PATL2: variants seen among roughly 807,000 people sequenced by gnomAD.
PATL2 encodes PAT1 homolog 2, also known as protein PAT1 homolog 2.
A neutral mutation model predicts 77.0 loss-of-function variants in PATL2; 73 were observed. That is an observed-to-expected ratio of 0.95 (90% CI 0.78 to 1.15). PATL2 has a LOEUF of 1.15. Among genes scored for constraint, PATL2 ranks in the 50% most tolerant of loss-of-function variants. The probability of loss-of-function intolerance (pLI) is 0.00; values close to 1 mark genes in which losing one functional copy is unlikely to be tolerated. For synonymous variants in PATL2, 265 were observed against 257.1 expected, an observed-to-expected ratio of 1.03 and a Z score of -0.29; for missense variants, 618 against 655.4, an observed-to-expected ratio of 0.94 and a Z score of 0.62.
chr15:44,667,328 A>G, intron 15 of PATL2, 125 bp from the exon 16 acceptor site: 1 of 704,854 alleles, frequency 1.4e-6, no homozygotes, highest in East Asian at 2.7e-5. Context: ...CAAAATATCC[A>G]CAAGTGCTGT....
intron 3 of PATL2, among the ~76,000 whole-genome samples, chr15:44,696,674 AT>A (rs371300632): frequency 3.2e-4 from 49 of 151,282 alleles, no homozygotes; most frequent in Admixed American, 7.2e-4. Flanking sequence ...ATCCTGGGAG[AT>A]TTTTTTTCCC....
chr15:44,676,669 C>T (rs569907395), intron 3 of PATL2, 104 bp from the exon 4 acceptor site: 1 of 1,275,796 alleles, frequency 7.8e-7, no homozygotes, highest in Admixed American at 2.3e-5. Context: ...TTAGAGAATT[C>T]TTGGCCATGG....
intron 3 of PATL2, among the ~76,000 whole-genome samples, chr15:44,686,959 G>A (rs2086272348): frequency 1.3e-5 from 2 of 152,144 alleles, no homozygotes; most frequent in South Asian, 4.1e-4. Context: ...ACTCACAGCT[G>A]AATTCTACCA....
At chr15:44,666,353 T>A (rs1182768096) in intron 17 of PATL2, 39 bp downstream of exon 17, 7 of 1,549,948 alleles carry the variant, frequency 4.5e-6, no homozygotes, top group African/African-American at 1.4e-5. Flanking sequence ...AGATTGGGCT[T>A]GAACAAGGGG....
At position 44,667,190 on chromosome 15, in the gene PATL2, A is replaced by G; in HGVS notation, c.1379T>C (p.Leu460Ser). ...CCCATGGCTCAGCAGGGCATAGAGC[A>G]AAGATATTCCAAACTGCAAGGGACA... is the stretch of plus-strand genomic sequence containing the variant. ...VVLQNQFGIS[L>S]LYALLSHGEQ... Residue 460 changes from leucine to serine, a missense_variant, in exon 16 of 18, where the codon TTG becomes TCG. Transcript: ENST00000682850. 1.9e-6 allele frequency: 3 copies of G among 1,551,626 alleles called. No individual in the cohort carries two copies. Among genetic ancestry groups the G allele is most frequent in the Non-Finnish European group, 2.6e-6 (3 of 1,146,912 alleles).
chr15:44,674,749 T>C (rs1419405078), intron 5 of PATL2: 1 of 151,988 alleles, frequency 6.6e-6, no homozygotes, highest in Admixed American at 6.6e-5. Flanking sequence ...TGAAAATTTT[T>C]TTTCTTTTTT....
intron 17 of PATL2, 81 bp from the exon 18 acceptor site, chr15:44,666,052 TCTAG>T: frequency 7.8e-7 from 1 of 1,282,150 alleles, no homozygotes; most frequent in Non-Finnish European, 1.1e-6. Flanking sequence ...TCTGACTCTT[TCTAG>T]CAGTAATTCT....
chr15:44,697,426 C>T (rs1275911973), intron 3 of PATL2: 1 of 152,262 alleles, frequency 6.6e-6, no homozygotes, highest in Non-Finnish European at 1.5e-5. Flanking sequence ...GTACTTGAAC[C>T]AACCTTAATT....
chr15:44,668,882 C>T, intron 14 of PATL2, 98 bp downstream of exon 14: 1 of 1,380,604 alleles, frequency 7.2e-7, no homozygotes, highest in South Asian at 1.6e-5. Context: ...TGCCCAGCAC[C>T]TTCTCTGGCA....
chr15:44,667,262 T>G (rs376819537), intron 15 of PATL2, 59 bp from the exon 16 acceptor site: 21 of 1,233,128 alleles, frequency 1.7e-5, no homozygotes, highest in African/African-American at 1.6e-4. Context: ...CATTTGGTGC[T>G]TTCCTGACTC....
intron 4 of PATL2, 139 bp downstream of exon 4, chr15:44,676,336 C>T: frequency 1.3e-6 from 1 of 796,992 alleles, no homozygotes; most frequent in Non-Finnish European, 2.1e-6. Flanking sequence ...TTCAGTCACC[C>T]ATTATGATAT....
At chr15:44,693,723 C>T (rs555777281) in intron 3 of PATL2, among the ~76,000 whole-genome samples, 27 of 150,890 alleles carry the variant, frequency 1.8e-4, no homozygotes, top group East Asian at 7.8e-4. Flanking sequence ...GACAGAGTCT[C>T]GCTCTGTCTC....
rs1318408255 is a variant in PATL2, at chr15:44,676,499, G to A, written c.-9C>T. On this transcript the variant is annotated 5_prime_UTR_variant, in exon 4 of 18. Transcript: ENST00000682850. Reference sequence around the variant, plus strand: ...CCTTCAAGGCAATTCATCTTGGCAGGCTGGTGGACTTCCTTCTTAGCCGTG... The same window carrying A: ...CCTTCAAGGCAATTCATCTTGGCAGACTGGTGGACTTCCTTCTTAGCCGTG... 1.3e-6 allele frequency: 2 copies of A among 1,551,508 alleles called. No individual in the cohort carries two copies.
chr15:44,698,094 T>TTTAATA (rs2086549407), intron 3 of PATL2, among the ~76,000 whole-genome samples: 1 of 150,936 alleles, frequency 6.6e-6, no homozygotes, highest in African/African-American at 2.4e-5. Flanking sequence ...TTTTTTTAAT[T>TTTAATA]TTAATTTTAT....
chr15:44,700,621 C>T (rs1595988028), intron 3 of PATL2, among the ~76,000 whole-genome samples: 1 of 152,132 alleles, frequency 6.6e-6, no homozygotes, highest in East Asian at 1.9e-4. Flanking sequence ...ACTTTGTATC[C>T]TCCAACTTTA....
At position 44,673,253 on chromosome 15, in the gene PATL2, G is replaced by C; in HGVS notation, c.428C>G (p.Ser143Trp). The change falls in exon 7 of 18, where the codon TCG becomes TGG. Residue 143 changes from serine to tryptophan, a missense_variant. Transcript: ENST00000682850. ...CCAGTACCTGAACCTAGGGGGCCAC[G>C]AGGTCAGCAGGCTGCAGAAGAGAGT... ...DPTLFCSLLT[S>W]WPPRFSHLTQ... 1 of 1,551,586 alleles carries C rather than the reference G, an allele frequency of 6.4e-7. No individual in the cohort carries two copies. The highest frequency in any genetic ancestry group is 1.2e-5 in the South Asian group (1 of 84,056).
intron 8 of PATL2, 107 bp downstream of exon 8, chr15:44,672,281 A>G: frequency 5.9e-6 from 9 of 1,527,324 alleles, no homozygotes; most frequent in Non-Finnish European, 8.0e-6. Context: ...CAACAGTATG[A>G]GAGTTTTAAC....
rs148387537 is a variant in PATL2 at position 44,688,516 on chromosome 15, C to T, written c.-75-11951G>A. Reference sequence around the variant, plus strand: ...GGCACTGGTATCAAAACAGATATATCGACCAATGGAACTGAACAGAGGCCT... The same window carrying T: ...GGCACTGGTATCAAAACAGATATATTGACCAATGGAACTGAACAGAGGCCT... On this transcript the variant is annotated intron_variant, in intron 3 of 17. Transcript: ENST00000682850. Among the ~76,000 whole-genome samples the T allele has an allele frequency of 8.5e-3, 1,300 of 152,054 alleles. 22 individuals are homozygous for T. The highest frequency in any genetic ancestry group is 0.03 in the African/African-American group (1,242 of 41,450).
At chr15:44,695,537 C>A (rs989505545) in intron 3 of PATL2, among the ~76,000 whole-genome samples, 9 of 152,194 alleles carry the variant, frequency 5.9e-5, no homozygotes, top group African/African-American at 2.2e-4. Context: ...TGGAACCAAT[C>A]TGTGAGCCCT....
Sources: gnomAD v4.1 joint callset for allele counts (sites outside exome capture counted in the v4.1 genomes callset) on GRCh38, gnomAD v4.1.1 for gene constraint, MANE v1.5 for transcripts, NCBI Gene and HGNC (gene_info 2026-07-23, HGNC 2026-07-21) for gene names.